The following ATR variants were observed in gnomAD, a reference collection of about 807,000 sequenced individuals.
ATR encodes ATR checkpoint kinase, also known as serine/threonine-protein kinase ATR.
Under a neutral mutation model 305.3 loss-of-function variants are expected in ATR, and 142 were observed. The observed-to-expected ratio is 0.47, with a 90% CI of 0.41 to 0.53. ATR has a LOEUF of 0.53. Among genes scored for constraint, ATR ranks in the 20% least tolerant of loss-of-function variants. The pLI is 0.00. For synonymous variants in ATR, 1,050 were observed against 1,068.1 expected (o/e 0.98, Z 0.33); for missense variants, 2,135 against 3,133.1 (o/e 0.68, Z 7.60).
intron 1 of ATR, among the ~76,000 whole-genome samples, chr3:142,578,343 A>AG (rs1045118884): frequency 3.3e-5 from 5 of 152,240 alleles, no homozygotes; most frequent in African/African-American, 1.2e-4. Context: ...AGCGATCAGC[A>AG]GGGACTCTTC....
intron 19 of ATR, 27 bp downstream of exon 19, chr3:142,538,454 AT>A: frequency 2.5e-6 from 4 of 1,597,072 alleles, no homozygotes; most frequent in Non-Finnish European, 3.4e-6. Flanking sequence ...AAAAGTTATT[AT>A]TTTACTATTA....
At chr3:142,497,726 C>G (rs1431805302) in intron 32 of ATR, among the ~76,000 whole-genome samples, 1 of 151,848 alleles carries the variant, frequency 6.6e-6, no homozygotes, top group Non-Finnish European at 1.5e-5. Context: ...AATTTACCAC[C>G]TAAATGAAGA....
In ATR at chr3:142,457,678, TC is replaced by T; in HGVS notation, c.7580del (p.Gly2527GlufsTer14). On this transcript the variant is annotated frameshift_variant, in exon 45 of 47. Coordinates refer to ENST00000350721, the MANE Select transcript of ATR (RefSeq NM_001184.4). LOFTEE classifies it high-confidence loss of function. ...HNMVNGMGPM[G>X]TEGLFRRACE... ...ATGCTCTTCGAAAAAGACCCTCTGT[TC>T]CCATAGGACCCATTCCATTAACCAT... 8 of 1,614,046 alleles carry T rather than the reference TC, an allele frequency of 5.0e-6. No individual in the cohort carries two copies. Among genetic ancestry groups the T allele is most frequent in the Admixed American group, 1.7e-5 (1 of 60,016 alleles).
chr3:142,468,163 CATG>C (rs1250907946), intron 38 of ATR, 95 bp from the exon 39 acceptor site: 1 of 1,428,150 alleles, frequency 7.0e-7, no homozygotes, highest in African/African-American at 1.4e-5. Flanking sequence ...AAAAAGTATT[CATG>C]ATGAGAGTTT....
intron 35 of ATR, among the ~76,000 whole-genome samples, chr3:142,492,351 G>A (rs764419781): frequency 2.4e-4 from 37 of 152,190 alleles, no homozygotes; most frequent in Non-Finnish European, 7.4e-5. Flanking sequence ...GCCTCTGCAT[G>A]TTTATTCTTT....
intron 41 of ATR, among the ~76,000 whole-genome samples, chr3:142,463,331 C>G (rs534804568): frequency 6.6e-6 from 1 of 152,302 alleles, no homozygotes; most frequent in East Asian, 1.9e-4. Flanking sequence ...ACTCAGGGAG[C>G]TTTGGAGAGA....
intron 34 of ATR, 25 bp downstream of exon 34, chr3:142,496,336 A>ATATATATGTATATATATATATC (rs531114901): frequency 1.9e-6 from 1 of 522,178 alleles, no homozygotes; most frequent in African/African-American, 3.4e-5. Context: ...ATATATATAT[A>ATATATATGTATATATATATATC]TGATGACATT....
chr3:142,450,314 C>T, intron 46 of ATR: 2 of 1,016,848 alleles, frequency 2.0e-6, no homozygotes, highest in Non-Finnish European at 3.0e-6. Flanking sequence ...TTTGGTGAAG[C>T]ACTTGAGCCA....
chr3:142,512,840 GA>G (rs1163929091), intron 26 of ATR, among the ~76,000 whole-genome samples: 1 of 152,130 alleles, frequency 6.6e-6, no homozygotes, highest in Non-Finnish European at 1.5e-5. Context: ...GCAACAAAGG[GA>G]GGCTCTGTCT....
At chr3:142,455,984 A>G (rs372194384) in intron 45 of ATR, among the ~76,000 whole-genome samples, 3 of 152,264 alleles carry the variant, frequency 2.0e-5, no homozygotes, top group Non-Finnish European at 4.4e-5. Context: ...TTTGAAAATC[A>G]TATCTTAAAA....
chr3:142,531,619 G>T (rs994478882), intron 21 of ATR, among the ~76,000 whole-genome samples: 14 of 152,152 alleles, frequency 9.2e-5, no homozygotes, highest in Admixed American at 6.5e-4. Flanking sequence ...TATTCCATGG[G>T]GTATATGTGC....
In ATR at chr3:142,561,275, G is replaced by T; in HGVS notation, c.1317C>A (p.Asn439Lys). Residue 439 changes from asparagine to lysine, a missense_variant, in exon 5 of 47, where the codon AAC becomes AAA. By Grantham distance (94) the Asn-to-Lys change is moderately conservative. Coordinates refer to ENST00000350721, the MANE Select transcript of ATR (RefSeq NM_001184.4). Reference protein sequence around the residue: ...PKRRRLSSSLNPSKRAPKQTE... With the variant: ...PKRRRLSSSLKPSKRAPKQTE... ...TCTGTTTTGGTGCTCTTTTAGAAGGGTTTAGAGACGAGCTGAGACGACGCC... is the reference window on the plus strand; with the variant it reads ...TCTGTTTTGGTGCTCTTTTAGAAGGTTTTAGAGACGAGCTGAGACGACGCC... 1 of 1,613,980 alleles carries T rather than the reference G, an allele frequency of 6.2e-7. No homozygotes were observed. The highest frequency in any genetic ancestry group is 1.1e-5 in the South Asian group (1 of 91,070).
At chr3:142,550,810 CAG>C (rs761481820) in intron 13 of ATR, among the ~76,000 whole-genome samples, 1 of 151,388 alleles carries the variant, frequency 6.6e-6, no homozygotes. Context: ...TTTTTAAAGA[CAG>C]AGTCTTGCTC....
intron 42 of ATR, among the ~76,000 whole-genome samples, chr3:142,461,403 A>G (rs2071021441): frequency 6.6e-6 from 1 of 152,184 alleles, no homozygotes; most frequent in Non-Finnish European, 1.5e-5. Flanking sequence ...TTACTCAAAT[A>G]TCTGTTTATA....
chr3:142,500,157 G>A (rs2031878162), intron 30 of ATR: 2 of 176,570 alleles, frequency 1.1e-5, no homozygotes, highest in Non-Finnish European at 2.4e-5. Flanking sequence ...AAATACAGGG[G>A]GGCCAGTGGT....
At chr3:142,553,443 C>CACACACACACACACAT (rs386398118) in intron 12 of ATR, 45 bp from the exon 13 acceptor site, 12 of 1,537,706 alleles carry the variant, frequency 7.8e-6, no homozygotes, top group Non-Finnish European at 9.9e-6. Flanking sequence ...AACACACACA[C>CACACACACACACACAT]ACACACACAC....
chr3:142,529,402 C>T (rs987458941), intron 21 of ATR, among the ~76,000 whole-genome samples: 3 of 152,068 alleles, frequency 2.0e-5, no homozygotes, highest in African/African-American at 7.2e-5. Context: ...TACTCTCCCC[C>T]TTCTCTCATT....
At chr3:142,577,895 C>A (rs1184709793) in intron 1 of ATR, among the ~76,000 whole-genome samples, 1 of 152,170 alleles carries the variant, frequency 6.6e-6, no homozygotes, top group Admixed American at 6.5e-5. Flanking sequence ...CCATCAACAC[C>A]TCTCCCTCCT....
At chr3:142,485,005 C>A in intron 36 of ATR, 135 bp downstream of exon 36, 1 of 1,298,174 alleles carries the variant, frequency 7.7e-7, no homozygotes, top group Non-Finnish European at 1.1e-6. Context: ...AAATTTACAT[C>A]TTATCTAAGG....
Sources: gnomAD v4.1 joint callset for allele counts (sites outside exome capture counted in the v4.1 genomes callset) on GRCh38, gnomAD v4.1.1 for gene constraint, MANE v1.5 for transcripts, NCBI Gene and HGNC (gene_info 2026-07-23, HGNC 2026-07-21) for gene names.